Variants in ADCY8 observed in about 807,000 individuals in gnomAD.
ADCY8 encodes the protein adenylate cyclase 8.
ADCY8 carries 51 observed loss-of-function variants against 119.7 expected under a neutral mutation model. That is an observed-to-expected ratio of 0.43 (90% CI 0.34 to 0.54). The LOEUF is 0.54. ADCY8 is among the 20% of genes least tolerant of loss of function. The pLI is 0.03. For synonymous variants in ADCY8, 665 were observed against 651.0 expected (o/e 1.02, Z -0.33); for missense variants, 1,383 against 1,598.8 (o/e 0.87, Z 2.30).
rs571620881 is a variant in ADCY8, at chr8:130,830,664, C to T, written c.2675+5613G>A. ...GGGTATCTACCCCAGACAACATAGC[C>T]ACTTCACTGTCATTGCCTCTTCCAA... On this transcript the variant is annotated intron_variant, in intron 12 of 17. Coordinates refer to ENST00000286355, the MANE Select transcript of ADCY8 (RefSeq NM_001115.3). Among the ~76,000 whole-genome samples the T allele has an allele frequency of 1.4e-3, 214 of 152,246 alleles. 2 individuals carry two copies. The highest frequency in any genetic ancestry group is 2.3e-3 in the Non-Finnish European group (155 of 68,012).
intron 2 of ADCY8, among the ~76,000 whole-genome samples, chr8:130,963,966 T>C (rs1357941634): frequency 1.3e-5 from 2 of 152,194 alleles, no homozygotes; most frequent in East Asian, 1.9e-4. Flanking sequence ...TCCACCCCAA[T>C]GTTTTAGACT....
intron 2 of ADCY8, among the ~76,000 whole-genome samples, chr8:130,961,786 T>C (rs1821613762): frequency 6.6e-6 from 1 of 152,136 alleles, no homozygotes; most frequent in Non-Finnish European, 1.5e-5. Context: ...AGCAAACTTG[T>C]GAACATACAG....
At chr8:130,912,307 G>GCA (rs1820005884) in intron 5 of ADCY8, among the ~76,000 whole-genome samples, 1 of 152,116 alleles carries the variant, frequency 6.6e-6, no homozygotes, top group Admixed American at 6.5e-5. Flanking sequence ...ACTGTATCTG[G>GCA]CACGTGGTTA....
At chr8:130,803,047 G>C (rs867037504) in intron 14 of ADCY8, among the ~76,000 whole-genome samples, 5 of 152,118 alleles carry the variant, frequency 3.3e-5, no homozygotes, top group Admixed American at 3.3e-4. Flanking sequence ...CAAGCTACTT[G>C]TGTTTACTGG....
At chr8:130,892,509 C>T (rs1264993735) in intron 7 of ADCY8, 1 of 152,176 alleles carries the variant, frequency 6.6e-6, no homozygotes, top group African/African-American at 2.4e-5. Context: ...CATTGGAACC[C>T]CACAACCTCA....
intron 3 of ADCY8, 110 bp from the exon 4 acceptor site, chr8:130,943,572 T>C: frequency 1.5e-6 from 1 of 680,784 alleles, no homozygotes; most frequent in Non-Finnish European, 2.6e-6. Context: ...CTTTGTGGTC[T>C]GAGATTTTAG....
intron 1 of ADCY8, among the ~76,000 whole-genome samples, chr8:131,028,484 G>A (rs80321114): frequency 6.6e-6 from 1 of 152,086 alleles, no homozygotes; most frequent in African/African-American, 2.4e-5. Flanking sequence ...GAGGGTGTGG[G>A]AGATTTGACT....
intron 9 of ADCY8, among the ~76,000 whole-genome samples, chr8:130,857,191 T>C (rs1563696062): frequency 6.6e-6 from 1 of 151,082 alleles, no homozygotes; most frequent in African/African-American, 2.4e-5. Context: ...TGTATACACA[T>C]GTTACTAACC....
In ADCY8 at chr8:130,814,010, A is replaced by C; in HGVS notation, c.2913+59T>G. ...CTCCCAGAGTTTGGGATCAATGTGA[A>C]CAACTGCACATCACCCACCACCACC... On this transcript the variant is annotated intron_variant, in intron 14 of 17. Coordinates refer to ENST00000286355, the MANE Select transcript of ADCY8 (RefSeq NM_001115.3). 4 of 1,593,496 alleles carry C rather than the reference A, an allele frequency of 2.5e-6. No homozygotes were observed. The South Asian group carries it at 4.5e-5, about 18-fold the overall frequency.
chr8:130,993,785 C>G (rs1257911778), intron 1 of ADCY8, among the ~76,000 whole-genome samples: 1 of 152,112 alleles, frequency 6.6e-6, no homozygotes, highest in Non-Finnish European at 1.5e-5. Context: ...TATAAATTAC[C>G]CAGTCTCAGG....
At chr8:131,011,976 G>A (rs1823321479) in intron 1 of ADCY8, among the ~76,000 whole-genome samples, 1 of 152,188 alleles carries the variant, frequency 6.6e-6, no homozygotes, top group Non-Finnish European at 1.5e-5. Flanking sequence ...GAATACATGA[G>A]TCAGGGGAAC....
At chr8:130,896,529 A>G (rs1021860545) in intron 7 of ADCY8, among the ~76,000 whole-genome samples, 38 of 152,308 alleles carry the variant, frequency 2.5e-4, no homozygotes, top group African/African-American at 8.7e-4. Flanking sequence ...CCAGGGAACA[A>G]TATCACTCAA....
At chr8:130,783,570 A>C (rs1445107238) in intron 17 of ADCY8, 121 bp downstream of exon 17, 2 of 636,992 alleles carry the variant, frequency 3.1e-6, no homozygotes, top group Admixed American at 6.1e-5. Flanking sequence ...TGGCAGGGTC[A>C]TGCTAGATCT....
intron 1 of ADCY8, among the ~76,000 whole-genome samples, chr8:131,035,551 C>G (rs1229386284): frequency 1.3e-5 from 2 of 152,120 alleles, no homozygotes; most frequent in African/African-American, 4.8e-5. Context: ...TCAATAAACA[C>G]AGGGCTTTGT....
rs1478133505 is a variant in ADCY8 at position 130,821,423 on chromosome 8, G to A, written c.2676-3C>T. On this transcript the variant is annotated splice_polypyrimidine_tract_variant and splice_region_variant and intron_variant, in intron 12 of 17. Transcript: ENST00000286355. The stretch of plus-strand genomic sequence containing the variant: ...CCTCCTTGGTCCCCAGGAAATCTCT[G>A]TTGGAAGAAAAAAGGAACTGATAAC... The A allele has an allele frequency of 1.2e-6, 2 of 1,611,996 alleles. No homozygotes were observed. The highest frequency in any genetic ancestry group is 2.2e-5 in the South Asian group (2 of 90,870).
intron 7 of ADCY8, among the ~76,000 whole-genome samples, chr8:130,893,700 A>ATG (rs1052541694): frequency 4.8e-5 from 7 of 144,720 alleles, no homozygotes; most frequent in East Asian, 2.0e-4. Context: ...GCATGTTTAT[A>ATG]TGTGTGTGTG....
At chr8:130,834,615 A>G (rs541624914) in intron 12 of ADCY8, among the ~76,000 whole-genome samples, 1 of 152,322 alleles carries the variant, frequency 6.6e-6, no homozygotes, top group African/African-American at 2.4e-5. Context: ...AACAACCTAA[A>G]TGTCTCTATT....
At chr8:130,808,344 C>T (rs892501756) in intron 14 of ADCY8, among the ~76,000 whole-genome samples, 1 of 152,034 alleles carries the variant, frequency 6.6e-6, no homozygotes. Context: ...GGGGCTGTGA[C>T]TGGGAAGGAG....
chr8:130,821,493 A>C (rs945219327), intron 12 of ADCY8, 73 bp from the exon 13 acceptor site: 4 of 1,138,088 alleles, frequency 3.5e-6, no homozygotes, highest in Non-Finnish European at 5.3e-6. Flanking sequence ...TGAGGTTCAG[A>C]AAGGAGTGGT....
Sources: allele counts gnomAD v4.1 joint callset (sites outside exome capture counted in the v4.1 genomes callset), GRCh38; gene constraint gnomAD v4.1.1; transcripts MANE v1.5; gene names NCBI Gene and HGNC (gene_info 2026-07-23, HGNC 2026-07-21).